Variants in SLC16A7 observed in about 807,000 individuals in gnomAD.
SLC16A7 encodes solute carrier family 16 member 7.
In SLC16A7, 33 loss-of-function variants were observed where a neutral mutation model predicts 34.9. That is an observed-to-expected ratio of 0.94 (90% CI 0.72 to 1.26). The LOEUF is 1.26. Ranked by LOEUF, SLC16A7 falls within the 50% of genes most tolerant of loss-of-function variation. The probability of loss-of-function intolerance (pLI) is 0.00; values close to 1 mark genes in which losing one functional copy is unlikely to be tolerated. For synonymous variants in SLC16A7, 201 were observed against 206.6 expected (o/e 0.97, Z 0.23); for missense variants, 573 against 578.1 (o/e 0.99, Z 0.09).
At chr12:59,650,904 C>A (rs932323880) in intron 1 of SLC16A7, among the ~76,000 whole-genome samples, 9 of 152,090 alleles carry the variant, frequency 5.9e-5, no homozygotes, top group African/African-American at 2.2e-4. Context: ...TTGCTAAAAG[C>A]TCTAGTGTAC....
At chr12:59,630,115 C>G (rs1385337099) in intron 1 of SLC16A7, among the ~76,000 whole-genome samples, 2 of 151,860 alleles carry the variant, frequency 1.3e-5, no homozygotes, top group Non-Finnish European at 2.9e-5. Context: ...GACTCTCCTT[C>G]TTTCTTTCTG....
At chr12:59,744,370 T>C (rs766781922) in intron 3 of SLC16A7, among the ~76,000 whole-genome samples, 9 of 152,004 alleles carry the variant, frequency 5.9e-5, no homozygotes, top group Admixed American at 6.6e-5. Context: ...GACTTCAGAG[T>C]GACGGCTTGA....
chr12:59,627,470 G>T (rs1488822538), intron 1 of SLC16A7, among the ~76,000 whole-genome samples: 3 of 151,100 alleles, frequency 2.0e-5, no homozygotes, highest in Non-Finnish European at 4.4e-5. Flanking sequence ...TTTCCTGTCT[G>T]CTATTTGTTA....
At chr12:59,773,461 T>C (rs1487018787) in intron 4 of SLC16A7, among the ~76,000 whole-genome samples, 1 of 152,132 alleles carries the variant, frequency 6.6e-6, no homozygotes, top group African/African-American at 2.4e-5. Context: ...TTAGTTAATA[T>C]AGAAGAACTC....
At chr12:59,772,177 T>TAATCTTACACTCATGC (rs1882298370) in intron 4 of SLC16A7, among the ~76,000 whole-genome samples, 1 of 152,192 alleles carries the variant, frequency 6.6e-6, no homozygotes, top group African/African-American at 2.4e-5. Flanking sequence ...TACACTCATG[T>TAATCTTACACTCATGC]AATCTTACAC....
chr12:59,651,868 A>C (rs1321139021), intron 1 of SLC16A7, among the ~76,000 whole-genome samples: 1 of 152,176 alleles, frequency 6.6e-6, no homozygotes, highest in African/African-American at 2.4e-5. Flanking sequence ...AAAAGATTTA[A>C]AAGAAGATAG....
intron 2 of SLC16A7, among the ~76,000 whole-genome samples, chr12:59,686,063 T>C (rs1412827473): frequency 6.6e-6 from 1 of 151,544 alleles, no homozygotes; most frequent in Non-Finnish European, 1.5e-5. Flanking sequence ...ATAATGTAAT[T>C]TCTTCAAGTG....
intron 1 of SLC16A7, among the ~76,000 whole-genome samples, chr12:59,641,067 C>T (rs1180638005): frequency 6.6e-6 from 1 of 151,898 alleles, no homozygotes; most frequent in African/African-American, 2.4e-5. Flanking sequence ...ACTGTTTAAG[C>T]TTTATCTATA....
chr12:59,668,039 C>G (rs1320862469), intron 2 of SLC16A7, among the ~76,000 whole-genome samples: 2 of 152,210 alleles, frequency 1.3e-5, no homozygotes, highest in African/African-American at 4.8e-5. Flanking sequence ...TTGAAAACCT[C>G]CACCTAGATT....
At chr12:59,727,127 A>G (rs1032687081) in intron 3 of SLC16A7, among the ~76,000 whole-genome samples, 14 of 148,120 alleles carry the variant, frequency 9.5e-5, no homozygotes, top group Non-Finnish European at 1.6e-4. Context: ...TCTGTCAGCA[A>G]GATCATTAAA....
rs1433278076 is a variant in SLC16A7 at position 59,671,957 on chromosome 12, A to ATATATG, written c.-31+16709_-31+16714dup. ...TATATGTATATATGTGTATATATGTATATATGTGTATATATCCATATATCC... is the reference window on the plus strand; with the variant it reads ...TATATGTATATATGTGTATATATGTATATATGTATATGTGTATATATCCATATATCC... On this transcript the variant is annotated intron_variant, in intron 2 of 5. Transcript: ENST00000547379. Among the ~76,000 whole-genome samples the ATATATG allele has an allele frequency of 9.4e-5, 7 of 74,324 alleles. 2 individuals carry two copies. Among genetic ancestry groups the ATATATG allele is most frequent in the African/African-American group, 5.4e-4 (7 of 13,060 alleles). 48.8% of individuals were successfully genotyped at this position (74,324 alleles called of 152,430 possible).
chr12:59,787,555 A>C lies in SLC16A7; in HGVS notation c.*7876A>C, dbSNP rs571155286. On this transcript the variant is annotated 3_prime_UTR_variant, in exon 6 of 6. Transcript: ENST00000547379. The stretch of plus-strand genomic sequence containing the variant: ...AACAAAAATCACACCTAAATTAAAG[A>C]TCTGTGGTGAAGGGGAAGAGGGGTT... The C allele has an allele frequency of 6.6e-6, 1 of 152,280 alleles. No individual in the cohort carries two copies. The highest frequency in any genetic ancestry group is 2.4e-5 in the African/African-American group (1 of 41,564). 9.4% of individuals were successfully genotyped at this position (152,280 alleles called of 1,614,324 possible). A position where few individuals can be genotyped will look rare whatever the true frequency, so the allele number is the denominator to read the frequency against.
At chr12:59,707,046 A>G (rs562183027) in intron 3 of SLC16A7, among the ~76,000 whole-genome samples, 4 of 152,258 alleles carry the variant, frequency 2.6e-5, no homozygotes, top group African/African-American at 9.6e-5. Context: ...CCATCACCCA[A>G]GGCTTTGTAT....
chr12:59,628,819 C>G (rs1880050374), intron 1 of SLC16A7, among the ~76,000 whole-genome samples: 1 of 151,798 alleles, frequency 6.6e-6, no homozygotes, highest in Non-Finnish European at 1.5e-5. Context: ...TAGGATATAG[C>G]TAGAAATAAT....
chr12:59,689,658 C>T (rs1263113742), intron 2 of SLC16A7, among the ~76,000 whole-genome samples: 8 of 151,806 alleles, frequency 5.3e-5, no homozygotes, highest in African/African-American at 7.3e-5. Flanking sequence ...ATTCTTTGGC[C>T]ATGTAATCTT....
At chr12:59,685,068 A>C (rs527262076) in intron 2 of SLC16A7, among the ~76,000 whole-genome samples, 14 of 152,290 alleles carry the variant, frequency 9.2e-5, no homozygotes, top group African/African-American at 3.4e-4. Context: ...AAAGAAAAAG[A>C]GAAGTTTTTC....
chr12:59,729,738 A>G (rs930662344), intron 3 of SLC16A7, among the ~76,000 whole-genome samples: 1 of 152,290 alleles, frequency 6.6e-6, no homozygotes, highest in Admixed American at 6.5e-5. Context: ...ATAGGTCTTC[A>G]TTTGTCACTT....
intron 1 of SLC16A7, among the ~76,000 whole-genome samples, chr12:59,635,120 G>A (rs182763256): frequency 1.4e-4 from 22 of 152,058 alleles, no homozygotes; most frequent in Admixed American, 7.2e-4. Flanking sequence ...ATTAGCTTTT[G>A]CCATTAGAAA....
At chr12:59,705,326 C>A (rs1164078689) in intron 3 of SLC16A7, among the ~76,000 whole-genome samples, 1 of 152,120 alleles carries the variant, frequency 6.6e-6, no homozygotes, top group African/African-American at 2.4e-5. Context: ...ATAAAGTCCA[C>A]AACATATTGC....
Sources: gnomAD v4.1 joint callset for allele counts (sites outside exome capture counted in the v4.1 genomes callset) on GRCh38, gnomAD v4.1.1 for gene constraint, MANE v1.5 for transcripts, NCBI Gene and HGNC (gene_info 2026-07-23, HGNC 2026-07-21) for gene names.